AK8: variants seen among roughly 807,000 people sequenced by gnomAD.
The protein encoded by AK8 is ATP-AMP transphosphorylase 8.
A neutral mutation model predicts 54.6 loss-of-function variants in AK8; 44 were observed. The ratio of observed to expected loss-of-function variants is 0.81; its 90% CI spans 0.63 to 1.04. The LOEUF (loss-of-function observed/expected upper bound fraction) is 1.04. Among genes scored for constraint, AK8 ranks in the 50% least tolerant of loss-of-function variants. The pLI, the probability that AK8 is intolerant of heterozygous loss-of-function variation, is 0.00. For synonymous variants in AK8, 239 were observed against 245.6 expected, an observed-to-expected ratio of 0.97 and a Z score of 0.25; for missense variants, 555 against 613.6, an observed-to-expected ratio of 0.90 and a Z score of 1.01.
Position 132,791,923 on chromosome 9 carries a change from C to G in AK8, c.1121+711G>C, listed in dbSNP as rs959740381. On this transcript the variant is annotated intron_variant, in intron 11 of 12. Coordinates refer to ENST00000298545, the MANE Select transcript of AK8 (RefSeq NM_152572.3). The surrounding 1 kb of genome is among the most constrained non-coding windows in gnomAD (Gnocchi z 4.0). ...TAACCAGTCACACAGGAGGCCCCGC[C>G]TCTAGTTAACCCACCCAGCTTCCCC... Among the ~76,000 whole-genome samples the G allele has an allele frequency of 6.6e-6, 1 of 152,228 alleles. No individual in the cohort carries two copies. The highest frequency in any genetic ancestry group is 2.4e-5 in the African/African-American group (1 of 41,456).
intron 11 of AK8, among the ~76,000 whole-genome samples, chr9:132,771,157 T>G (rs1336465777): frequency 6.6e-6 from 1 of 152,204 alleles, no homozygotes; most frequent in East Asian, 1.9e-4. Flanking sequence ...ACACTCAGCC[T>G]CTTGGAGCCT....
intron 11 of AK8, among the ~76,000 whole-genome samples, chr9:132,731,542 C>T (rs1431814664): frequency 6.6e-6 from 1 of 152,188 alleles, no homozygotes; most frequent in Admixed American, 6.5e-5. Flanking sequence ...GAGGGCTGGA[C>T]AGGCTGTGCT....
At chr9:132,771,922 G>A (rs922615409) in intron 11 of AK8, among the ~76,000 whole-genome samples, 2 of 152,186 alleles carry the variant, frequency 1.3e-5, no homozygotes, top group African/African-American at 4.8e-5. Context: ...GTAAGGCAAG[G>A]AGGAGCAAGT....
chr9:132,802,704 C>T (rs215172), intron 10 of AK8, among the ~76,000 whole-genome samples: 42,776 of 151,938 alleles, frequency 0.28, 6,137 homozygotes, highest in East Asian at 0.49. Context: ...ATCAAGCTGA[C>T]GCCAGAACTG....
intron 10 of AK8, among the ~76,000 whole-genome samples, chr9:132,804,229 C>T (rs563315204): frequency 1.0e-3 from 155 of 152,220 alleles, no homozygotes; most frequent in African/African-American, 3.4e-3. Context: ...GGATTGTCCA[C>T]ACCACAGGGA....
intron 5 of AK8, among the ~76,000 whole-genome samples, chr9:132,853,445 A>G (rs1038117171): frequency 1.2e-4 from 19 of 152,088 alleles, no homozygotes; most frequent in Non-Finnish European, 2.5e-4. Flanking sequence ...AAAATGATGC[A>G]TTATTTATAA....
At chr9:132,783,226 C>T (rs753707872) in intron 11 of AK8, among the ~76,000 whole-genome samples, 5 of 152,148 alleles carry the variant, frequency 3.3e-5, no homozygotes, top group Non-Finnish European at 2.9e-5. Context: ...AGTTGCACTA[C>T]GGCCTCTGAA....
At chr9:132,809,947 A>T (rs1033325264) in intron 10 of AK8, among the ~76,000 whole-genome samples, 3 of 152,232 alleles carry the variant, frequency 2.0e-5, no homozygotes, top group African/African-American at 7.2e-5. Context: ...AATTCTGTCA[A>T]GAATCATTTA....
At chr9:132,802,207 C>T (rs963173741) in intron 10 of AK8, among the ~76,000 whole-genome samples, 1 of 152,322 alleles carries the variant, frequency 6.6e-6, no homozygotes, top group East Asian at 1.9e-4. Context: ...CTCCCAGGCA[C>T]GTGGTGCAGC....
Position 132,828,010 on chromosome 9 carries a change from T to C in AK8, c.556+3A>G, listed in dbSNP as rs1255741190. 1 of 1,561,538 alleles carries C rather than the reference T, an allele frequency of 6.4e-7. No individual in the cohort carries two copies. The highest frequency in any genetic ancestry group is 8.7e-7 in the Non-Finnish European group (1 of 1,151,894). On this transcript the variant is annotated splice_donor_region_variant and intron_variant, in intron 7 of 12. Transcript: ENST00000298545. ...GGCTGGGTGGGGGTGGCCGTAGCCA[T>C]ACCTCCAGTTTGAGGGTCGATTCTC...
intron 11 of AK8, among the ~76,000 whole-genome samples, chr9:132,778,407 G>C (rs1839318826): frequency 6.6e-6 from 1 of 152,142 alleles, no homozygotes; most frequent in African/African-American, 2.4e-5. Flanking sequence ...CTCCATTAAT[G>C]GGCTGTTTAT....
intron 5 of AK8, among the ~76,000 whole-genome samples, chr9:132,831,042 C>T (rs897301246): frequency 6.6e-6 from 1 of 152,180 alleles, no homozygotes; most frequent in Non-Finnish European, 1.5e-5. Context: ...CTATCTTTTC[C>T]CCTCTGAGGA....
chr9:132,863,995 C>A (rs1843492013), intron 3 of AK8, among the ~76,000 whole-genome samples: 1 of 152,170 alleles, frequency 6.6e-6, no homozygotes, highest in Non-Finnish European at 1.5e-5. Flanking sequence ...CTTCTACCAG[C>A]ATAGACTTAA....
Position 132,735,554 on chromosome 9 carries a change from T to A in AK8, c.1122-8020A>T, listed in dbSNP as rs377265514. On this transcript the variant is annotated intron_variant, in intron 11 of 12. Coordinates refer to ENST00000298545, the MANE Select transcript of AK8 (RefSeq NM_152572.3). Reference sequence around the variant, plus strand: ...CTCAGTAGAATGACTATTACACATTTAAAAAAAAAACCCATAAAGTAAGTG... The same window carrying A: ...CTCAGTAGAATGACTATTACACATTAAAAAAAAAAACCCATAAAGTAAGTG... Among the ~76,000 whole-genome samples, 10 of 149,034 alleles carry A rather than the reference T, an allele frequency of 6.7e-5. No individual in the cohort carries two copies. In the South Asian group the frequency reaches 8.5e-4, roughly 13 times the overall value.
chr9:132,814,577 C>T, intron 10 of AK8, 61 bp downstream of exon 10: 3 of 1,518,402 alleles, frequency 2.0e-6, no homozygotes, highest in South Asian at 2.4e-5. Flanking sequence ...GAGAGCCGCA[C>T]AAAAAGAAAG....
chr9:132,754,307 G>C (rs988622921), intron 11 of AK8, among the ~76,000 whole-genome samples: 7 of 152,216 alleles, frequency 4.6e-5, no homozygotes, highest in Admixed American at 2.0e-4. Context: ...TCATCTTTGA[G>C]CAGGACTGCA....
At position 132,878,122 on chromosome 9, in the gene AK8, A is replaced by G; in HGVS notation, c.84+50T>C. On this transcript the variant is annotated intron_variant, in intron 1 of 12. Coordinates refer to ENST00000298545, the MANE Select transcript of AK8 (RefSeq NM_152572.3). The surrounding 1 kb of genome is among the most constrained non-coding windows in gnomAD (Gnocchi z 4.7). ...GGCCGCGCACCCGACGTCGCAGTGG[A>G]GGCTCCCGAGCCGCCGCCAGCGTCG... The G allele has an allele frequency of 6.5e-7, 1 of 1,547,642 alleles. No individual in the cohort carries two copies. Among genetic ancestry groups the G allele is most frequent in the Non-Finnish European group, 8.7e-7 (1 of 1,145,802 alleles).
intron 10 of AK8, among the ~76,000 whole-genome samples, chr9:132,800,380 G>T (rs371210402): frequency 1.3e-5 from 2 of 152,308 alleles, no homozygotes; most frequent in East Asian, 3.9e-4. Flanking sequence ...CGCCAGCAAC[G>T]CACAGAACAT....
intron 9 of AK8, among the ~76,000 whole-genome samples, chr9:132,822,360 T>G (rs1294123438): frequency 6.6e-6 from 1 of 151,428 alleles, no homozygotes; most frequent in East Asian, 1.9e-4. Context: ...AAAATGTACA[T>G]ATATTTGTAG....
Sources: allele counts gnomAD v4.1 joint callset (sites outside exome capture counted in the v4.1 genomes callset), GRCh38; gene constraint gnomAD v4.1.1; non-coding constraint Gnocchi (gnomAD v3.1); transcripts MANE v1.5; gene names NCBI Gene and HGNC (gene_info 2026-07-23, HGNC 2026-07-21).